The following CMTM7 variants were observed in gnomAD, a reference collection of about 807,000 sequenced individuals.
The protein encoded by CMTM7 is CKLF-like MARVEL transmembrane domain-containing protein 7.
In CMTM7, 7 loss-of-function variants were observed where a neutral mutation model predicts 19.3. The ratio of observed to expected loss-of-function variants is 0.36; its 90% CI spans 0.21 to 0.68. The LOEUF (loss-of-function observed/expected upper bound fraction) is 0.68. Among genes scored for constraint, CMTM7 ranks in the 30% least tolerant of loss-of-function variants. The pLI is 0.60. For missense variants in CMTM7, 193 were observed against 232.6 expected (o/e 0.83, Z 1.11); for synonymous variants, 87 against 99.3 (o/e 0.88, Z 0.74).
At position 32,431,870 on chromosome 3, in the gene CMTM7, G is replaced by A. The variant is rs140015905; in HGVS notation, c.160-9970G>A. Reference sequence around the variant, plus strand: ...TTTCAGGCCGGGCACAGTGGCTCACGCCTGTAATCCCAACACTTTGGGAGA... The same window carrying A: ...TTTCAGGCCGGGCACAGTGGCTCACACCTGTAATCCCAACACTTTGGGAGA... On this transcript the variant is annotated intron_variant, in intron 1 of 4. Coordinates refer to ENST00000334983, the MANE Select transcript of CMTM7 (RefSeq NM_138410.4). Among the ~76,000 whole-genome samples, 321 of 152,312 alleles carry A rather than the reference G, an allele frequency of 2.1e-3. 2 individuals carry two copies. Among genetic ancestry groups the A allele is most frequent in the South Asian group, 0.018 (86 of 4,826 alleles).
intron 1 of CMTM7, among the ~76,000 whole-genome samples, chr3:32,412,606 T>G (rs1377765409): frequency 1.8e-5 from 2 of 112,210 alleles, no homozygotes; most frequent in East Asian, 5.4e-4. Flanking sequence ...TTTATAGACC[T>G]AGCGTTTTTT....
At chr3:32,424,202 T>C (rs995865554) in intron 1 of CMTM7, among the ~76,000 whole-genome samples, 1 of 152,154 alleles carries the variant, frequency 6.6e-6, no homozygotes, top group African/African-American at 2.4e-5. Flanking sequence ...GCTGGCGGCC[T>C]TATGGGCTGT....
At chr3:32,451,722 G>A (rs138582073) in intron 3 of CMTM7, 248 of 201,232 alleles carry the variant, frequency 1.2e-3, no homozygotes, top group African/African-American at 5.5e-3. Flanking sequence ...ACCATTTGAT[G>A]AGCCTCCCAC....
At chr3:32,439,998 T>G (rs1696651257) in intron 1 of CMTM7, among the ~76,000 whole-genome samples, 1 of 151,742 alleles carries the variant, frequency 6.6e-6, no homozygotes, top group Non-Finnish European at 1.5e-5. Flanking sequence ...ATACACACAT[T>G]GCCAAATGTC....
chr3:32,416,124 G>T (rs1452223043), intron 1 of CMTM7, among the ~76,000 whole-genome samples: 1 of 152,190 alleles, frequency 6.6e-6, no homozygotes, highest in Non-Finnish European at 1.5e-5. Flanking sequence ...GTTTTCTCTT[G>T]TGAAGTAGGG....
intron 1 of CMTM7, among the ~76,000 whole-genome samples, chr3:32,428,306 C>A (rs1194398460): frequency 6.6e-6 from 1 of 152,224 alleles, no homozygotes; most frequent in Non-Finnish European, 1.5e-5. Flanking sequence ...TCCCTGCAGC[C>A]TCAGAGTCCG....
intron 1 of CMTM7, among the ~76,000 whole-genome samples, chr3:32,429,296 A>AT (rs35500364): frequency 0.64 from 88,847 of 139,854 alleles, 28,340 homozygotes; most frequent in Non-Finnish European, 0.67. Context: ...TGAGTAGTGT[A>AT]TTTTTTTTTT....
chr3:32,403,521 G>A (rs1696041248), intron 1 of CMTM7, among the ~76,000 whole-genome samples: 1 of 152,114 alleles, frequency 6.6e-6, no homozygotes, highest in South Asian at 2.1e-4. Context: ...CGGGCTAGGT[G>A]TTTTTTATAT....
chr3:32,405,933 C>T lies in CMTM7; in HGVS notation c.159+13868C>T, dbSNP rs377190376. 4.0e-4 allele frequency among the ~76,000 whole-genome samples: 61 copies of T among 152,272 alleles called. No homozygotes were observed. The South Asian group carries it at 0.012, about 29-fold the overall frequency. ...TGTATTTACTTTTTTGAATAGATAA[C>T]GTTTACACGATCAAGATTCAGAATG... is the stretch of plus-strand genomic sequence containing the variant. On this transcript the variant is annotated intron_variant, in intron 1 of 4. Coordinates refer to ENST00000334983, the MANE Select transcript of CMTM7 (RefSeq NM_138410.4).
At chr3:32,431,765 CT>C (rs1424394037) in intron 1 of CMTM7, among the ~76,000 whole-genome samples, 1 of 152,208 alleles carries the variant, frequency 6.6e-6, no homozygotes, top group African/African-American at 2.4e-5. Flanking sequence ...ATTACTTGAC[CT>C]TGTGTGCCTC....
At chr3:32,448,781 GAAA>G (rs761007859) in intron 2 of CMTM7, among the ~76,000 whole-genome samples, 1 of 128,854 alleles carries the variant, frequency 7.8e-6, no homozygotes, top group Non-Finnish European at 1.7e-5. Context: ...GGAATGACAG[GAAA>G]AAAAAAAAAA....
chr3:32,453,893 G>C (rs953891648), intron 4 of CMTM7, among the ~76,000 whole-genome samples: 1 of 152,180 alleles, frequency 6.6e-6, no homozygotes, highest in Non-Finnish European at 1.5e-5. Flanking sequence ...GAAAAGAGAA[G>C]TTAATAGGTG....
rs1180813152 is a variant in CMTM7 at position 32,449,089 on chromosome 3, A to G, written c.334-365A>G. ...GCTTTGTTTAAACTCTCCAGCCGGG[A>G]AGTTGCAAGAAGCTCGTTTGCTTTT... On this transcript the variant is annotated intron_variant, in intron 2 of 4. Coordinates refer to ENST00000334983, the MANE Select transcript of CMTM7 (RefSeq NM_138410.4). The surrounding 1 kb of genome is among the most constrained non-coding windows in gnomAD (Gnocchi z 4.5). Among the ~76,000 whole-genome samples the G allele has an allele frequency of 6.6e-6, 1 of 152,180 alleles. No homozygotes were observed. Among genetic ancestry groups the G allele is most frequent in the Admixed American group, 6.5e-5 (1 of 15,282 alleles).
chr3:32,423,352 A>T (rs1389012120), intron 1 of CMTM7, among the ~76,000 whole-genome samples: 2 of 152,242 alleles, frequency 1.3e-5, no homozygotes, highest in Admixed American at 1.3e-4. Flanking sequence ...AAGAAAAATC[A>T]ATATGTAGAT....
chr3:32,447,151 C>A (rs1248683627), intron 2 of CMTM7, among the ~76,000 whole-genome samples: 5 of 152,016 alleles, frequency 3.3e-5, no homozygotes, highest in African/African-American at 1.2e-4. Context: ...TTTCTGATTT[C>A]TCTTATGATT....
chr3:32,404,151 TC>T (rs1365034990), intron 1 of CMTM7, among the ~76,000 whole-genome samples: 25 of 61,552 alleles, frequency 4.1e-4, no homozygotes, highest in African/African-American at 8.9e-4. Flanking sequence ...TCTTTTTTTT[TC>T]TTTTTTTTTC....
At chr3:32,427,336 A>G (rs1696448313) in intron 1 of CMTM7, among the ~76,000 whole-genome samples, 1 of 152,202 alleles carries the variant, frequency 6.6e-6, no homozygotes, top group African/African-American at 2.4e-5. Flanking sequence ...TGAGATCCAA[A>G]GAAACCCAAA....
intron 1 of CMTM7, 125 bp from the exon 2 acceptor site, chr3:32,441,715 G>T: frequency 1.3e-6 from 1 of 790,724 alleles, no homozygotes; most frequent in East Asian, 2.5e-5. Context: ...GAAATAACCT[G>T]AATTGTATTA....
rs35054129 is a variant in CMTM7, at chr3:32,430,681, A to ATGTGTGTGTGTGTGTGTGTGTGTGTGTG, written c.160-11152_160-11125dup. On this transcript the variant is annotated intron_variant, in intron 1 of 4. Coordinates refer to ENST00000334983, the MANE Select transcript of CMTM7 (RefSeq NM_138410.4). ...TCATTCTGGCCTGATCTACATCTGA[A>ATGTGTGTGTGTGTGTGTGTGTGTGTGTG]TGTGTGTGTGTGTGTGTGTGTGTGT... is the stretch of plus-strand genomic sequence containing the variant. 1.6e-3 allele frequency among the ~76,000 whole-genome samples: 216 copies of ATGTGTGTGTGTGTGTGTGTGTGTGTGTG among 133,992 alleles called. 5 individuals carry two copies. The highest frequency in any genetic ancestry group is 4.1e-3 in the East Asian group (19 of 4,642). 87.9% of individuals were successfully genotyped at this position (133,992 alleles called of 152,430 possible). A position where few individuals can be genotyped will look rare whatever the true frequency, so the allele number is the denominator to read the frequency against.
Sources: allele counts gnomAD v4.1 joint callset (sites outside exome capture counted in the v4.1 genomes callset), GRCh38; gene constraint gnomAD v4.1.1; non-coding constraint Gnocchi (gnomAD v3.1); transcripts MANE v1.5; gene names NCBI Gene and HGNC (gene_info 2026-07-23, HGNC 2026-07-21).